Variants in MAD1L1 observed in about 807,000 individuals in gnomAD.
The protein encoded by MAD1L1 is mitotic spindle assembly checkpoint protein MAD1.
A neutral mutation model predicts 96.9 loss-of-function variants in MAD1L1; 95 were observed. That is an observed-to-expected ratio of 0.98 (90% CI 0.83 to 1.16). The LOEUF (loss-of-function observed/expected upper bound fraction) is 1.16, where lower values mean the gene tolerates loss of function less well. Among genes scored for constraint, MAD1L1 ranks in the 50% most tolerant of loss-of-function variants. MAD1L1 has a pLI of 0.00. For synonymous variants in MAD1L1, 473 were observed against 396.6 expected, an observed-to-expected ratio of 1.19 and a Z score of -2.29; for missense variants, 1,007 against 954.4, an observed-to-expected ratio of 1.06 and a Z score of -0.73.
chr7:2,097,171 C>T (rs1055481937), intron 11 of MAD1L1, among the ~76,000 whole-genome samples: 3 of 152,068 alleles, frequency 2.0e-5, no homozygotes, highest in African/African-American at 4.8e-5. Context: ...GGCTCCACCA[C>T]GCCCCACCCC....
At chr7:2,226,712 G>A (rs933368354) in intron 3 of MAD1L1, among the ~76,000 whole-genome samples, 2 of 152,226 alleles carry the variant, frequency 1.3e-5, no homozygotes, top group Non-Finnish European at 2.9e-5. Flanking sequence ...TCTTTAGGTT[G>A]GGTGTGGTGG....
At chr7:1,906,511 A>G (rs1358762541) in intron 17 of MAD1L1, among the ~76,000 whole-genome samples, 1 of 152,102 alleles carries the variant, frequency 6.6e-6, no homozygotes, top group Non-Finnish European at 1.5e-5. Context: ...CTGCTTCTCC[A>G]TCGCTCCAGT....
At chr7:2,028,274 A>C (rs1345320789) in intron 12 of MAD1L1, among the ~76,000 whole-genome samples, 1 of 151,790 alleles carries the variant, frequency 6.6e-6, no homozygotes, top group Non-Finnish European at 1.5e-5. Context: ...AAATACAAAA[A>C]ATTAGCCGGG....
intron 13 of MAD1L1, among the ~76,000 whole-genome samples, chr7:2,013,815 T>G (rs907803054): frequency 1.3e-5 from 2 of 150,666 alleles, no homozygotes; most frequent in Non-Finnish European, 3.0e-5. Context: ...ATGGGGAGTG[T>G]GGACGTGGCC....
At chr7:2,048,913 G>A (rs974732099) in intron 12 of MAD1L1, among the ~76,000 whole-genome samples, 1 of 152,168 alleles carries the variant, frequency 6.6e-6, no homozygotes, top group East Asian at 1.9e-4. Context: ...CACTGACCGC[G>A]TCAACCATGC....
At chr7:1,936,517 C>T (rs779939009) in intron 17 of MAD1L1, among the ~76,000 whole-genome samples, 170 bp downstream of exon 17, 1 of 152,200 alleles carries the variant, frequency 6.6e-6, no homozygotes, top group Non-Finnish European at 1.5e-5. Flanking sequence ...CATGGGGACA[C>T]GGGGCCAGGG....
At chr7:2,038,423 AG>A (rs80086601) in intron 12 of MAD1L1, among the ~76,000 whole-genome samples, 6,563 of 151,174 alleles carry the variant, frequency 0.043, 221 homozygotes, top group African/African-American at 0.089. Context: ...TTACAGTTAC[AG>A]AGGAGAAGTC....
intron 10 of MAD1L1, among the ~76,000 whole-genome samples, chr7:2,204,663 G>A (rs1450377970): frequency 6.6e-6 from 1 of 152,236 alleles, no homozygotes; most frequent in Non-Finnish European, 1.5e-5. Context: ...GCGTGGAGAC[G>A]CCACGGTCCA....
At chr7:2,110,718 C>T (rs559184666) in intron 11 of MAD1L1, among the ~76,000 whole-genome samples, 1 of 152,200 alleles carries the variant, frequency 6.6e-6, no homozygotes, top group South Asian at 2.1e-4. Context: ...AGATCTGTGA[C>T]GGGCTTCACC....
rs1233265826 is a variant in MAD1L1 at position 1,891,168 on chromosome 7, A to G, written c.1998+7032T>C. On this transcript the variant is annotated intron_variant, in intron 18 of 18. Coordinates refer to ENST00000265854, the MANE Select transcript of MAD1L1 (RefSeq NM_001013836.2). Reference sequence around the variant, plus strand: ...ATTTCTTCTTCCCAGGAAGGCTGCTATACAAAAACATTTTTCTATAGCTGT... The same window carrying G: ...ATTTCTTCTTCCCAGGAAGGCTGCTGTACAAAAACATTTTTCTATAGCTGT... Among the ~76,000 whole-genome samples the G allele has an allele frequency of 2.6e-5, 4 of 152,256 alleles. No homozygotes were observed. In the East Asian group the frequency reaches 7.7e-4, roughly 29 times the overall value.
intron 10 of MAD1L1, among the ~76,000 whole-genome samples, chr7:2,184,652 C>G (rs1484632420): frequency 6.6e-6 from 1 of 152,168 alleles, no homozygotes; most frequent in Non-Finnish European, 1.5e-5. Context: ...GGAAACAACC[C>G]AGATGTCCTC....
At chr7:2,221,573 C>A (rs1412261077) in intron 5 of MAD1L1, among the ~76,000 whole-genome samples, 3 of 151,912 alleles carry the variant, frequency 2.0e-5, no homozygotes. Flanking sequence ...TTGATCGCCA[C>A]AGACAAAGGA....
intron 18 of MAD1L1, among the ~76,000 whole-genome samples, chr7:1,825,530 C>T (rs890655517): frequency 2.0e-5 from 3 of 152,248 alleles, no homozygotes; most frequent in African/African-American, 7.2e-5. Flanking sequence ...GTGAGAGACA[C>T]GGGCCCAAGC....
chr7:1,952,336 T>C (rs1215883073), intron 16 of MAD1L1, among the ~76,000 whole-genome samples: 1 of 151,568 alleles, frequency 6.6e-6, no homozygotes, highest in Non-Finnish European at 1.5e-5. Flanking sequence ...CGGTCCGGAG[T>C]GGGCGCTTCT....
intron 12 of MAD1L1, among the ~76,000 whole-genome samples, chr7:2,016,921 T>C (rs1782568334): frequency 6.6e-6 from 1 of 152,286 alleles, no homozygotes; most frequent in South Asian, 2.1e-4. Context: ...TTACCGGAGT[T>C]GTCAGTACCA....
intron 12 of MAD1L1, among the ~76,000 whole-genome samples, chr7:2,020,038 G>A (rs1782715624): frequency 6.6e-6 from 1 of 152,250 alleles, no homozygotes; most frequent in South Asian, 2.1e-4. Context: ...AGAACCGCCA[G>A]GCAGGCACAG....
intron 11 of MAD1L1, among the ~76,000 whole-genome samples, chr7:2,133,737 T>A (rs1200897424): frequency 6.6e-6 from 1 of 152,246 alleles, no homozygotes; most frequent in Non-Finnish European, 1.5e-5. Flanking sequence ...GTGTAAGGTC[T>A]GTGTCTAGAT....
At chr7:1,912,886 G>A (rs1005586812) in intron 17 of MAD1L1, among the ~76,000 whole-genome samples, 1 of 149,950 alleles carries the variant, frequency 6.7e-6, no homozygotes, top group Non-Finnish European at 1.5e-5. Flanking sequence ...TGGCGGCGGC[G>A]AGGTCCTGGG....
chr7:1,892,047 G>C (rs116106195), intron 18 of MAD1L1, among the ~76,000 whole-genome samples: 41 of 152,262 alleles, frequency 2.7e-4, no homozygotes, highest in African/African-American at 9.9e-4. Context: ...TGCGAGCTCC[G>C]TTCACGGTGA....
Sources: gnomAD v4.1 joint callset for allele counts (sites outside exome capture counted in the v4.1 genomes callset) on GRCh38, gnomAD v4.1.1 for gene constraint, MANE v1.5 for transcripts, NCBI Gene and HGNC (gene_info 2026-07-23, HGNC 2026-07-21) for gene names.